TMEM45A: variants seen among roughly 807,000 people sequenced by gnomAD.
TMEM45A encodes the protein DNA polymerase-transactivated protein 4.
TMEM45A carries 25 observed loss-of-function variants against 32.0 expected under a neutral mutation model. The observed-to-expected ratio is 0.78, with a 90% confidence interval of 0.57 to 1.09. The LOEUF (loss-of-function observed/expected upper bound fraction) is 1.09, where lower values mean the gene tolerates loss of function less well. Among genes scored for constraint, TMEM45A ranks in the 50% least tolerant of loss-of-function variants. The probability of loss-of-function intolerance (pLI) is 0.00; values close to 1 mark genes in which losing one functional copy is unlikely to be tolerated. For synonymous variants in TMEM45A, 122 were observed against 114.8 expected, an observed-to-expected ratio of 1.06 and a Z score of -0.40; for missense variants, 302 against 325.0, an observed-to-expected ratio of 0.93 and a Z score of 0.54.
intron 1 of TMEM45A, among the ~76,000 whole-genome samples, chr3:100,497,644 G>A (rs1707948188): frequency 6.6e-6 from 1 of 152,022 alleles, no homozygotes; most frequent in African/African-American, 2.4e-5. Context: ...TCATATAAGT[G>A]GAAGTATATA....
intron 5 of TMEM45A, chr3:100,571,987 T>C (rs1244430924): frequency 2.6e-5 from 4 of 152,242 alleles, no homozygotes; most frequent in Non-Finnish European, 5.9e-5. Flanking sequence ...ATTTTCTTAA[T>C]CCAATCTATC....
intron 4 of TMEM45A, among the ~76,000 whole-genome samples, chr3:100,566,390 T>A (rs1385426197): frequency 3.9e-5 from 6 of 152,186 alleles, no homozygotes; most frequent in African/African-American, 1.4e-4. Context: ...GATAGATAGA[T>A]AAATGGATGA....
Position 100,558,667 on chromosome 3 carries a change from C to T in TMEM45A, c.588+78C>T, listed in dbSNP as rs1349773226. 4 of 1,458,348 alleles carry T rather than the reference C, an allele frequency of 2.7e-6. No homozygotes were observed. In the Admixed American group the frequency reaches 5.7e-5, roughly 21 times the overall value. 90.3% of individuals were successfully genotyped at this position (1,458,348 alleles called of 1,614,324 possible). ...TGTTTATTTGATGAGGCAGTTTGCTCCCGGAGACTTCCCTCCAACATACTG... is the reference window on the plus strand; with the variant it reads ...TGTTTATTTGATGAGGCAGTTTGCTTCCGGAGACTTCCCTCCAACATACTG... On this transcript the variant is annotated intron_variant, in intron 4 of 5. Coordinates refer to ENST00000323523, the MANE Select transcript of TMEM45A (RefSeq NM_018004.3).
chr3:100,564,815 C>A (rs543715956), intron 4 of TMEM45A, among the ~76,000 whole-genome samples: 1 of 152,150 alleles, frequency 6.6e-6, no homozygotes, highest in Non-Finnish European at 1.5e-5. Context: ...GCAGGCCAGA[C>A]AAAGCATGTC....
intron 5 of TMEM45A, among the ~76,000 whole-genome samples, chr3:100,576,308 G>A (rs1358858606): frequency 6.6e-6 from 1 of 152,182 alleles, no homozygotes; most frequent in Non-Finnish European, 1.5e-5. Flanking sequence ...AAAATTAGCT[G>A]GGCGTGGTGG....
chr3:100,507,468 G>T (rs944277411), intron 1 of TMEM45A, among the ~76,000 whole-genome samples: 1 of 152,232 alleles, frequency 6.6e-6, no homozygotes, highest in African/African-American at 2.4e-5. Flanking sequence ...CGGGAGATGA[G>T]AATGGGACTC....
chr3:100,524,896 A>G (rs1705511296), intron 1 of TMEM45A, among the ~76,000 whole-genome samples: 1 of 152,160 alleles, frequency 6.6e-6, no homozygotes, highest in Non-Finnish European at 1.5e-5. Context: ...ACTTAGTACA[A>G]AAAGAAAAAA....
chr3:100,543,983 G>A (rs770519270), intron 1 of TMEM45A, among the ~76,000 whole-genome samples: 3 of 152,186 alleles, frequency 2.0e-5, no homozygotes, highest in Non-Finnish European at 2.9e-5. Flanking sequence ...GATTAAAGGA[G>A]TTAAGATGAA....
chr3:100,495,311 A>C (rs940933796), intron 1 of TMEM45A, among the ~76,000 whole-genome samples: 1 of 152,196 alleles, frequency 6.6e-6, no homozygotes, highest in African/African-American at 2.4e-5. Context: ...GGTTTTGTCA[A>C]ACAGTTCTGG....
intron 1 of TMEM45A, among the ~76,000 whole-genome samples, chr3:100,515,800 C>G (rs1421033719): frequency 2.0e-5 from 3 of 151,972 alleles, no homozygotes; most frequent in African/African-American, 7.3e-5. Flanking sequence ...AAGTTGATCT[C>G]AGGAAAGTAG....
intron 1 of TMEM45A, among the ~76,000 whole-genome samples, chr3:100,501,730 C>T (rs1275479229): frequency 6.6e-6 from 1 of 152,152 alleles, no homozygotes; most frequent in African/African-American, 2.4e-5. Context: ...AAACTTCCCT[C>T]AGTGCCGCAG....
intron 1 of TMEM45A, among the ~76,000 whole-genome samples, chr3:100,495,882 C>G (rs67774605): frequency 6.6e-6 from 1 of 152,054 alleles, no homozygotes; most frequent in South Asian, 2.1e-4. Flanking sequence ...CCTCCCCATC[C>G]GCATACACGC....
intron 1 of TMEM45A, among the ~76,000 whole-genome samples, chr3:100,498,027 G>A (rs1176390696): frequency 2.0e-5 from 3 of 152,206 alleles, no homozygotes; most frequent in African/African-American, 7.2e-5. Context: ...CTGGTGGGAG[G>A]TGATTGGATC....
chr3:100,558,817 C>T (rs1706274226), intron 4 of TMEM45A, among the ~76,000 whole-genome samples: 2 of 152,168 alleles, frequency 1.3e-5, no homozygotes, highest in African/African-American at 4.8e-5. Flanking sequence ...CCTGGACATC[C>T]ATTATGTAGG....
intron 1 of TMEM45A, among the ~76,000 whole-genome samples, chr3:100,512,254 C>A (rs903716344): frequency 1.1e-4 from 16 of 152,266 alleles, no homozygotes; most frequent in Non-Finnish European, 1.2e-4. Context: ...TGTAAAAGAA[C>A]AGAAATTATA....
Position 100,533,541 on chromosome 3 carries a change from C to T in TMEM45A, c.-3-21668C>T, listed in dbSNP as rs113588422. 5.5e-3 allele frequency among the ~76,000 whole-genome samples: 831 copies of T among 152,220 alleles called. 8 individuals carry two copies. The highest frequency in any genetic ancestry group is 0.019 in the African/African-American group (798 of 41,542). On this transcript the variant is annotated intron_variant, in intron 1 of 5. Transcript: ENST00000323523. Reference sequence around the variant, plus strand: ...GTGCACTCCCATGAGAATGCTGCAACTTTGCCCTTCCCTTGGCACACTGGG... The same window carrying T: ...GTGCACTCCCATGAGAATGCTGCAATTTTGCCCTTCCCTTGGCACACTGGG...
At chr3:100,566,871 T>C (rs954760443) in intron 4 of TMEM45A, among the ~76,000 whole-genome samples, 2 of 152,176 alleles carry the variant, frequency 1.3e-5, no homozygotes, top group African/African-American at 4.8e-5. Flanking sequence ...GAATTCTTTT[T>C]ATATTCTAGA....
chr3:100,503,007 TCTC>T (rs1708027397), intron 1 of TMEM45A, among the ~76,000 whole-genome samples: 1 of 150,290 alleles, frequency 6.7e-6, no homozygotes, highest in Admixed American at 6.6e-5. Context: ...TCCTCCTCCT[TCTC>T]CTCCTTCTCC....
intron 4 of TMEM45A, among the ~76,000 whole-genome samples, chr3:100,563,663 T>C (rs1167319220): frequency 5.3e-5 from 8 of 152,184 alleles, no homozygotes; most frequent in Admixed American, 3.9e-4. Flanking sequence ...GCCTTTGAAC[T>C]GGGAGTTGAC....
Sources: allele counts gnomAD v4.1 joint callset (sites outside exome capture counted in the v4.1 genomes callset), GRCh38; gene constraint gnomAD v4.1.1; transcripts MANE v1.5; gene names NCBI Gene and HGNC (gene_info 2026-07-23, HGNC 2026-07-21).